CAB39L: variants seen among roughly 807,000 people sequenced by gnomAD.
CAB39L encodes calcium binding protein 39 like.
CAB39L carries 23 observed loss-of-function variants against 39.1 expected under a neutral mutation model. The ratio of observed to expected loss-of-function variants is 0.59; its 90% confidence interval spans 0.42 to 0.83. The LOEUF (loss-of-function observed/expected upper bound fraction) is 0.83, where lower values mean the gene tolerates loss of function less well. Ranked by LOEUF, CAB39L falls within the 40% of genes least tolerant of loss-of-function variation. The pLI is 0.00. For synonymous variants in CAB39L, 126 were observed against 137.2 expected (o/e 0.92, Z 0.57); for missense variants, 366 against 391.9 (o/e 0.93, Z 0.56).
At chr13:49,333,496 A>G (rs1954764588) in intron 9 of CAB39L, among the ~76,000 whole-genome samples, 1 of 151,040 alleles carries the variant, frequency 6.6e-6, no homozygotes, top group Non-Finnish European at 1.5e-5. Context: ...ATCTAGGAAG[A>G]TGTCTCCCAA....
At chr13:49,401,725 GT>G (rs1436436620) in intron 3 of CAB39L, 1 of 152,126 alleles carries the variant, frequency 6.6e-6, no homozygotes, top group Non-Finnish European at 1.5e-5. Context: ...CATGCATGGG[GT>G]TTTGTCAACT....
Position 49,313,480 on chromosome 13 carries a change from CA to C in CAB39L, c.835-2488del, listed in dbSNP as rs61510865. Among the ~76,000 whole-genome samples, 948 of 104,316 alleles carry C rather than the reference CA, an allele frequency of 9.1e-3. 3 individuals carry two copies. The highest frequency in any genetic ancestry group is 0.048 in the East Asian group (177 of 3,692). The allele number at this position is 104,316 out of a possible 152,430, so 68.4% of individuals were successfully genotyped here. A position where few individuals can be genotyped will look rare whatever the true frequency, so the allele number is the denominator to read the frequency against. The stretch of plus-strand genomic sequence containing the variant: ...TGGGCAACAGAGTGAGACTCCGTCT[CA>C]AAAAAAAAAAAAAAAATTACAACTG... On this transcript the variant is annotated intron_variant, in intron 10 of 10. Transcript: ENST00000409308.
rs568017883 is a variant in CAB39L at position 49,391,506 on chromosome 13, T to TA, written c.-31-8566dup. On this transcript the variant is annotated intron_variant, in intron 3 of 10. Coordinates refer to ENST00000409308, the MANE Select transcript of CAB39L (RefSeq NM_001079670.3). ...ATTTTGATAGAGGCAAAATGTTTTT[T>TA]AAAAAATCCAACCATCTGGAAAAAT... 2.4e-3 allele frequency among the ~76,000 whole-genome samples: 363 copies of TA among 152,278 alleles called. 1 individual carries two copies. Among genetic ancestry groups the TA allele is most frequent in the African/African-American group, 8.2e-3 (339 of 41,578 alleles).
intron 3 of CAB39L, among the ~76,000 whole-genome samples, chr13:49,419,169 T>C (rs1337067917): frequency 6.6e-6 from 1 of 152,092 alleles, no homozygotes; most frequent in Non-Finnish European, 1.5e-5. Context: ...AGTTTCACCA[T>C]GTTAGCCAGG....
intron 4 of CAB39L, among the ~76,000 whole-genome samples, chr13:49,379,042 G>A (rs1215924950): frequency 1.8e-5 from 1 of 55,792 alleles, no homozygotes; most frequent in Non-Finnish European, 3.5e-5. Flanking sequence ...CCCCCCGCCC[G>A]GCCAGCTGCC....
At position 49,371,249 on chromosome 13, in the gene CAB39L, G is replaced by A. The variant is rs563558893; in HGVS notation, c.276+5718C>T. ...ATTGCCCAGGCAGAAGTGCAATGGT[G>A]CGATCTTGGCTCACTGCAACCTCCT... On this transcript the variant is annotated intron_variant, in intron 5 of 10. Transcript: ENST00000409308. Among the ~76,000 whole-genome samples the A allele has an allele frequency of 9.7e-5, 14 of 144,796 alleles. No homozygotes were observed. The Middle Eastern group carries it at 0.011, about 117-fold the overall frequency. 95.0% of individuals were successfully genotyped at this position (144,796 alleles called of 152,430 possible).
At chr13:49,317,511 C>G (rs1954193221) in intron 10 of CAB39L, among the ~76,000 whole-genome samples, 1 of 152,122 alleles carries the variant, frequency 6.6e-6, no homozygotes, top group Admixed American at 6.5e-5. Flanking sequence ...ACCTGGGCAA[C>G]AGAGTGAGAT....
intron 10 of CAB39L, among the ~76,000 whole-genome samples, chr13:49,313,260 T>C (rs1016949888): frequency 4.6e-5 from 7 of 152,050 alleles, no homozygotes; most frequent in African/African-American, 1.7e-4. Context: ...GGTGGGCGGA[T>C]CACGAAGTCA....
At chr13:49,443,083 T>TA (rs71078845) in intron 1 of CAB39L, among the ~76,000 whole-genome samples, 68,757 of 116,358 alleles carry the variant, frequency 0.59, 20,078 homozygotes, top group Middle Eastern at 0.67. Flanking sequence ...ACAACAATGC[T>TA]AAAAAAAAAA....
intron 1 of CAB39L, among the ~76,000 whole-genome samples, chr13:49,437,084 TTGAC>T (rs1244621734): frequency 6.6e-6 from 1 of 152,210 alleles, no homozygotes; most frequent in Non-Finnish European, 1.5e-5. Context: ...TTGAAATGTT[TTGAC>T]TATCATTTTG....
chr13:49,441,996 C>T lies in CAB39L; in HGVS notation c.-246+1990G>A, dbSNP rs144417917. ...ACTATTTGCAGTCTCACCAGCAAGACTAAGGTTTCTCCTTGTTTTGCATCC... is the reference window on the plus strand; with the variant it reads ...ACTATTTGCAGTCTCACCAGCAAGATTAAGGTTTCTCCTTGTTTTGCATCC... On this transcript the variant is annotated intron_variant, in intron 1 of 10. Transcript: ENST00000409308. Among the ~76,000 whole-genome samples, 322 of 152,276 alleles carry T rather than the reference C, an allele frequency of 2.1e-3. 1 individual carries two copies. Among genetic ancestry groups the T allele is most frequent in the Non-Finnish European group, 3.3e-3 (223 of 68,018 alleles).
intron 7 of CAB39L, among the ~76,000 whole-genome samples, chr13:49,348,738 T>A (rs1026955091): frequency 2.0e-5 from 3 of 152,190 alleles, no homozygotes; most frequent in Non-Finnish European, 4.4e-5. Flanking sequence ...GTCAATTAAA[T>A]TTTCCTTTGC....
intron 3 of CAB39L, among the ~76,000 whole-genome samples, chr13:49,417,830 C>A (rs1957109432): frequency 1.3e-5 from 2 of 152,078 alleles, no homozygotes; most frequent in South Asian, 4.2e-4. Context: ...AAAAAAAACC[C>A]TGCAAGTCAT....
At chr13:49,334,460 C>T (rs1316944297) in intron 9 of CAB39L, among the ~76,000 whole-genome samples, 1 of 152,180 alleles carries the variant, frequency 6.6e-6, no homozygotes, top group Non-Finnish European at 1.5e-5. Flanking sequence ...GGCTTTACTT[C>T]CCCAGCTCCA....
intron 5 of CAB39L, among the ~76,000 whole-genome samples, chr13:49,375,235 T>G (rs1956023054): frequency 6.6e-6 from 1 of 152,110 alleles, no homozygotes; most frequent in South Asian, 2.1e-4. Flanking sequence ...TTATTCCTAT[T>G]TTATAGATGA....
rs192566084 is a variant in CAB39L at position 49,314,540 on chromosome 13, G to A, written c.835-3547C>T. 1.1e-4 allele frequency among the ~76,000 whole-genome samples: 17 copies of A among 152,170 alleles called. No individual in the cohort carries two copies. In the East Asian group the frequency reaches 3.3e-3, roughly 29 times the overall value. On this transcript the variant is annotated intron_variant, in intron 10 of 10. Coordinates refer to ENST00000409308, the MANE Select transcript of CAB39L (RefSeq NM_001079670.3). ...TCCCAGCTGGTTGTCTTCATTCATG[G>A]GGCTAAGTGTTTCACACTCATCGAA... is the stretch of plus-strand genomic sequence containing the variant.
At chr13:49,375,768 G>A (rs9535214) in intron 5 of CAB39L, among the ~76,000 whole-genome samples, 33,836 of 149,184 alleles carry the variant, frequency 0.23, 4,213 homozygotes, top group Middle Eastern at 0.33. Context: ...CACGTTGTGC[G>A]CATGTACCCT....
chr13:49,367,452 T>C (rs911560727), intron 5 of CAB39L, among the ~76,000 whole-genome samples: 1 of 152,212 alleles, frequency 6.6e-6, no homozygotes, highest in African/African-American at 2.4e-5. Flanking sequence ...GAAAACACTT[T>C]AGCAGTTCCT....
At chr13:49,346,058 C>CATATATATATATGCTATATATATAT (rs1555254546) in intron 7 of CAB39L, among the ~76,000 whole-genome samples, 2 of 66,414 alleles carry the variant, frequency 3.0e-5, no homozygotes, top group African/African-American at 1.1e-4. Context: ...ATTCCTCCAG[C>CATATATATATATGCTATATATATAT]ATATATATAT....
Sources: gnomAD v4.1 joint callset for allele counts (sites outside exome capture counted in the v4.1 genomes callset) on GRCh38, gnomAD v4.1.1 for gene constraint, MANE v1.5 for transcripts, NCBI Gene and HGNC (gene_info 2026-07-23, HGNC 2026-07-21) for gene names.